Variants in ACYP2 observed in about 807,000 individuals in gnomAD.
ACYP2 encodes acylphosphatase 2.
A neutral mutation model predicts 11.2 loss-of-function variants in ACYP2; 12 were observed. The ratio of observed to expected loss-of-function variants is 1.08; its 90% CI spans 0.69 to 1.74. The LOEUF is 1.74. Among genes scored for constraint, ACYP2 ranks in the 40% most tolerant of loss-of-function variants. The pLI is 0.00. For missense variants in ACYP2, 134 were observed against 101.9 expected (o/e 1.31, Z -1.35); for synonymous variants, 43 against 32.2 (o/e 1.33, Z -1.13).
At chr2:54,035,412 C>T (rs1174639776) in intron 2 of ACYP2, among the ~76,000 whole-genome samples, 2 of 151,688 alleles carry the variant, frequency 1.3e-5, no homozygotes, top group African/African-American at 4.8e-5. Context: ...AGTACAGGCG[C>T]CCGCCGTCAT....
At chr2:53,983,264 G>C (rs1490644002) in intron 2 of ACYP2, among the ~76,000 whole-genome samples, 1 of 152,122 alleles carries the variant, frequency 6.6e-6, no homozygotes, top group Non-Finnish European at 1.5e-5. Flanking sequence ...CCAGCACTTT[G>C]GTAGACCAAG....
chr2:54,163,603 C>T (rs916953688), intron 6 of ACYP2, among the ~76,000 whole-genome samples: 3 of 151,962 alleles, frequency 2.0e-5, no homozygotes, highest in South Asian at 2.1e-4. Flanking sequence ...GCCCGTAATC[C>T]CAGCACTTTG....
intron 6 of ACYP2, among the ~76,000 whole-genome samples, chr2:54,205,759 A>G (rs1284121000): frequency 6.6e-6 from 1 of 152,134 alleles, no homozygotes; most frequent in African/African-American, 2.4e-5. Context: ...CTGAAGTTCA[A>G]CTTTCTTCTC....
intron 2 of ACYP2, among the ~76,000 whole-genome samples, chr2:54,019,494 G>C (rs1020602870): frequency 1.3e-5 from 2 of 151,800 alleles, no homozygotes; most frequent in Non-Finnish European, 1.5e-5. Context: ...CTCCAGCCTC[G>C]TTTTGCATAC....
intron 6 of ACYP2, among the ~76,000 whole-genome samples, chr2:54,252,324 G>A (rs1008565358): frequency 1.3e-5 from 2 of 152,002 alleles, no homozygotes; most frequent in Admixed American, 6.6e-5. Context: ...GGACATTAGG[G>A]CAGCTCCCAG....
At chr2:54,066,364 A>G (rs1422723416) in intron 4 of ACYP2, among the ~76,000 whole-genome samples, 4 of 152,222 alleles carry the variant, frequency 2.6e-5, no homozygotes, top group African/African-American at 7.2e-5. Context: ...CTCGCCAGAC[A>G]TGCAGAACTG....
At chr2:54,260,857 G>A (rs985093368) in intron 6 of ACYP2, among the ~76,000 whole-genome samples, 1 of 152,068 alleles carries the variant, frequency 6.6e-6, no homozygotes, top group Non-Finnish European at 1.5e-5. Flanking sequence ...TAAGACAAGA[G>A]AGAAGTGAGA....
intron 2 of ACYP2, among the ~76,000 whole-genome samples, chr2:54,042,124 A>G (rs2104563874): frequency 6.6e-6 from 1 of 151,850 alleles, no homozygotes; most frequent in Admixed American, 6.6e-5. Context: ...CTCCTGCCTC[A>G]GCCTCCCAAG....
At chr2:54,297,374 T>C (rs955323025) in intron 6 of ACYP2, among the ~76,000 whole-genome samples, 1 of 152,166 alleles carries the variant, frequency 6.6e-6, no homozygotes, top group Non-Finnish European at 1.5e-5. Flanking sequence ...GGCTCATTCC[T>C]GTAGTCCCAG....
intron 6 of ACYP2, among the ~76,000 whole-genome samples, chr2:54,302,772 C>T (rs2104173545): frequency 6.6e-6 from 1 of 152,264 alleles, no homozygotes; most frequent in African/African-American, 2.4e-5. Flanking sequence ...ACAACCCTAT[C>T]CAACTAGTTA....
chr2:54,221,869 CTTA>C (rs1258282956), intron 6 of ACYP2, among the ~76,000 whole-genome samples: 2 of 152,064 alleles, frequency 1.3e-5, no homozygotes, highest in African/African-American at 2.4e-5. Flanking sequence ...TGTTGAGGTA[CTTA>C]TTATTAGTTT....
chr2:53,996,933 T>G (rs1672600496), intron 2 of ACYP2, among the ~76,000 whole-genome samples: 1 of 152,190 alleles, frequency 6.6e-6, no homozygotes, highest in Non-Finnish European at 1.5e-5. Context: ...CGTCTCCCTA[T>G]TATGTACAAA....
intron 6 of ACYP2, among the ~76,000 whole-genome samples, chr2:54,248,670 G>A (rs1687071490): frequency 6.6e-6 from 1 of 152,140 alleles, no homozygotes. Context: ...ACTGTAGGCT[G>A]CTTGAGAACA....
intron 2 of ACYP2, among the ~76,000 whole-genome samples, chr2:54,018,002 T>G (rs1290899828): frequency 6.6e-6 from 1 of 152,138 alleles, no homozygotes; most frequent in East Asian, 1.9e-4. Flanking sequence ...ACCTGGCCAG[T>G]GCTCCTATTT....
At chr2:54,205,572 G>C (rs1244892775) in intron 6 of ACYP2, among the ~76,000 whole-genome samples, 2 of 152,168 alleles carry the variant, frequency 1.3e-5, no homozygotes, top group Non-Finnish European at 2.9e-5. Flanking sequence ...TCCTGTTGCT[G>C]TGAGGTATTT....
Position 54,304,773 on chromosome 2 carries a change from G to T in ACYP2, c.490G>T (p.Glu164Ter). The change falls in exon 7 of 7, where the codon GAA (glutamate) becomes TAA (stop). Residue 164 changes from glutamate to a stop codon, truncating the protein, a stop_gained. Coordinates refer to ENST00000607452, the MANE Select transcript of ACYP2 (RefSeq NM_001320586.2). LOFTEE classifies it high-confidence loss of function. ...TAATGAAAAAACCATCTCTAAGCTT[G>T]AATACTCTAATTTTAGTATTAGATA... 4.3e-6 allele frequency: 7 copies of T among 1,609,574 alleles called. No homozygotes were observed. Among genetic ancestry groups the T allele is most frequent in the Non-Finnish European group, 5.9e-6 (7 of 1,177,828 alleles).
intron 2 of ACYP2, among the ~76,000 whole-genome samples, chr2:53,990,205 C>T (rs1672220438): frequency 1.3e-5 from 2 of 151,902 alleles, no homozygotes; most frequent in African/African-American, 4.8e-5. Flanking sequence ...TTTTGAACTC[C>T]TGACCTCAAG....
At chr2:54,081,150 C>T (rs1368065223) in intron 4 of ACYP2, among the ~76,000 whole-genome samples, 3 of 152,076 alleles carry the variant, frequency 2.0e-5, no homozygotes, top group African/African-American at 7.2e-5. Context: ...AATCAGTGTT[C>T]GAGGAGTCTG....
At chr2:54,029,221 G>T (rs903042400) in intron 2 of ACYP2, among the ~76,000 whole-genome samples, 2 of 151,994 alleles carry the variant, frequency 1.3e-5, no homozygotes, top group East Asian at 1.9e-4. Context: ...AACCTTCAGA[G>T]GGTGAAGAGG....
Sources: allele counts gnomAD v4.1 joint callset (sites outside exome capture counted in the v4.1 genomes callset), GRCh38; gene constraint gnomAD v4.1.1; transcripts MANE v1.5; gene names NCBI Gene and HGNC (gene_info 2026-07-23, HGNC 2026-07-21).